PTPRN2: variants seen among roughly 807,000 people sequenced by gnomAD.
PTPRN2 encodes the protein protein tyrosine phosphatase receptor type N2, also known as receptor-type tyrosine-protein phosphatase N2.
PTPRN2 carries 74 observed loss-of-function variants against 118.8 expected under a neutral mutation model. The observed-to-expected ratio is 0.62, with a 90% CI of 0.52 to 0.76. The LOEUF (loss-of-function observed/expected upper bound fraction) is 0.76. Ranked by LOEUF, PTPRN2 falls within the 30% of genes least tolerant of loss-of-function variation. The probability of loss-of-function intolerance (pLI) is 0.00; values close to 1 mark genes in which losing one functional copy is unlikely to be tolerated. For missense variants in PTPRN2, 1,481 were observed against 1,394.4 expected, an observed-to-expected ratio of 1.06 and a Z score of -0.99; for synonymous variants, 641 against 608.0, an observed-to-expected ratio of 1.05 and a Z score of -0.80.
chr7:158,292,425 A>T (rs2151023980), intron 3 of PTPRN2, among the ~76,000 whole-genome samples: 1 of 152,336 alleles, frequency 6.6e-6, no homozygotes, highest in East Asian at 1.9e-4. Flanking sequence ...AAAGGTAAAA[A>T]CTGTGGGTTG....
In PTPRN2 at chr7:158,166,129, G is replaced by A. The variant is rs138731925; in HGVS notation, c.910+802C>T. On this transcript the variant is annotated intron_variant, in intron 6 of 22. Transcript: ENST00000389418. ...GGGCCAGACCCGTCCTGCAAGCCAT[G>A]TTGCCCGCCCCATCCATCAGCTTCA... is the stretch of plus-strand genomic sequence containing the variant. Among the ~76,000 whole-genome samples the A allele has an allele frequency of 6.0e-3, 905 of 151,466 alleles. 7 individuals are homozygous for A. Among genetic ancestry groups the A allele is most frequent in the African/African-American group, 0.021 (854 of 40,866 alleles).
intron 1 of PTPRN2, among the ~76,000 whole-genome samples, chr7:158,506,840 T>C (rs1822784597): frequency 6.6e-6 from 1 of 152,056 alleles, no homozygotes; most frequent in African/African-American, 2.4e-5. Context: ...AGGACACACC[T>C]GGGCCAGCCC....
At chr7:158,054,393 A>G (rs1809620833) in intron 11 of PTPRN2, among the ~76,000 whole-genome samples, 1 of 152,204 alleles carries the variant, frequency 6.6e-6, no homozygotes, top group African/African-American at 2.4e-5. Flanking sequence ...TTCTGCAGAC[A>G]CTCAAAAAGA....
intron 6 of PTPRN2, among the ~76,000 whole-genome samples, chr7:158,157,917 TCTC>T (rs1218217803): frequency 2.0e-5 from 3 of 152,114 alleles, no homozygotes; most frequent in African/African-American, 4.8e-5. Flanking sequence ...ATAGGTGCCT[TCTC>T]CTCCTGCTTT....
chr7:157,879,838 A>G, intron 12 of PTPRN2, among the ~76,000 whole-genome samples: 1 of 140,458 alleles, frequency 7.1e-6, no homozygotes, highest in South Asian at 2.2e-4. Context: ...GTCTTTGTTA[A>G]AAAAAAAAAA....
chr7:158,366,687 C>T (rs1809555662), intron 2 of PTPRN2, among the ~76,000 whole-genome samples: 1 of 152,032 alleles, frequency 6.6e-6, no homozygotes, highest in Non-Finnish European at 1.5e-5. Flanking sequence ...GCCACATTTG[C>T]TGGGACTTGT....
At chr7:158,396,444 CACGT>C (rs1471632559) in intron 2 of PTPRN2, among the ~76,000 whole-genome samples, 1 of 146,066 alleles carries the variant, frequency 6.8e-6, no homozygotes, top group Non-Finnish European at 1.5e-5. Flanking sequence ...ATGAATGTGT[CACGT>C]GTGTGCACGC....
intron 5 of PTPRN2, among the ~76,000 whole-genome samples, chr7:158,183,507 C>T (rs1043507566): frequency 6.6e-6 from 1 of 152,142 alleles, no homozygotes; most frequent in South Asian, 2.1e-4. Flanking sequence ...TCTCTCAACC[C>T]GTGGCCACTG....
chr7:158,330,988 A>G (rs1315821797), intron 2 of PTPRN2, among the ~76,000 whole-genome samples: 1 of 118,226 alleles, frequency 8.5e-6, no homozygotes, highest in African/African-American at 3.3e-5. Flanking sequence ...CACTCTCACC[A>G]TAAGAGCTGA....
intron 12 of PTPRN2, among the ~76,000 whole-genome samples, chr7:157,781,531 T>C (rs1219502401): frequency 6.6e-6 from 1 of 152,180 alleles, no homozygotes; most frequent in African/African-American, 2.4e-5. Flanking sequence ...TAAGAAAACT[T>C]CCACTTTTTC....
rs1262079421 is a variant in PTPRN2, at chr7:157,953,369, G to A, written c.1724-54632C>T. 1.3e-5 allele frequency among the ~76,000 whole-genome samples: 2 copies of A among 152,222 alleles called. No homozygotes were observed. Among genetic ancestry groups the A allele is most frequent in the East Asian group, 3.9e-4 (2 of 5,162 alleles). ...GCTGGCAGCACTCCCCGAGCACAGTGGGAACTCAGGAGCAGGGGCTGGCGG... is the reference window on the plus strand; with the variant it reads ...GCTGGCAGCACTCCCCGAGCACAGTAGGAACTCAGGAGCAGGGGCTGGCGG... On this transcript the variant is annotated intron_variant, in intron 11 of 22. Coordinates refer to ENST00000389418, the MANE Select transcript of PTPRN2 (RefSeq NM_002847.5). The surrounding 1 kb of genome is among the most constrained non-coding windows in gnomAD (Gnocchi z 4.6).
In PTPRN2 at chr7:157,724,803, G is replaced by A. The variant is rs186457784; in HGVS notation, c.1789-41866C>T. ...ACCACTGTAAAGTGAGAAATACTAA[G>A]TCCAACCATCCTGAGGCGGGGACCA... is the stretch of plus-strand genomic sequence containing the variant. On this transcript the variant is annotated intron_variant, in intron 12 of 22. Coordinates refer to ENST00000389418, the MANE Select transcript of PTPRN2 (RefSeq NM_002847.5). Among the ~76,000 whole-genome samples the A allele has an allele frequency of 2.2e-4, 33 of 152,318 alleles. No individual in the cohort carries two copies. The East Asian group carries it at 3.3e-3, about 15-fold the overall frequency.
intron 5 of PTPRN2, among the ~76,000 whole-genome samples, chr7:158,187,963 C>A (rs1825309923): frequency 6.6e-6 from 1 of 152,174 alleles, no homozygotes; most frequent in South Asian, 2.1e-4. Flanking sequence ...CCACGCCCCT[C>A]TCCCATTCCT....
intron 11 of PTPRN2, among the ~76,000 whole-genome samples, chr7:157,943,891 C>A (rs1800300073): frequency 6.6e-6 from 1 of 152,204 alleles, no homozygotes. Flanking sequence ...ACTACACCAT[C>A]CCCTTTTAGT....
At chr7:158,230,209 CT>C (rs576863500) in intron 3 of PTPRN2, among the ~76,000 whole-genome samples, 671 of 152,252 alleles carry the variant, frequency 4.4e-3, no homozygotes, top group Middle Eastern at 0.027. Flanking sequence ...CAAACAAAAG[CT>C]GAGATAATTC....
At chr7:157,980,962 C>T (rs368265153) in intron 11 of PTPRN2, among the ~76,000 whole-genome samples, 48 of 152,184 alleles carry the variant, frequency 3.2e-4, no homozygotes, top group Admixed American at 1.8e-3. Context: ...CACCAAACCC[C>T]GCCTCCCACA....
At chr7:158,105,149 T>C (rs1286402261) in intron 10 of PTPRN2, among the ~76,000 whole-genome samples, 2 of 127,796 alleles carry the variant, frequency 1.6e-5, no homozygotes, top group African/African-American at 3.1e-5. Flanking sequence ...ATCCTCAGCT[T>C]TATCTCAACT....
At chr7:158,554,293 C>T (rs982562102) in intron 1 of PTPRN2, among the ~76,000 whole-genome samples, 6 of 152,246 alleles carry the variant, frequency 3.9e-5, no homozygotes, top group African/African-American at 9.6e-5. Flanking sequence ...AAACAGAGAC[C>T]GAAACCAGAG....
chr7:158,215,391 T>C (rs776169433), intron 3 of PTPRN2, among the ~76,000 whole-genome samples: 2 of 152,074 alleles, frequency 1.3e-5, no homozygotes, highest in Non-Finnish European at 2.9e-5. Flanking sequence ...AGATATAATA[T>C]TCATGCTATC....
Sources: allele counts gnomAD v4.1 joint callset (sites outside exome capture counted in the v4.1 genomes callset), GRCh38; gene constraint gnomAD v4.1.1; non-coding constraint Gnocchi (gnomAD v3.1); transcripts MANE v1.5; gene names NCBI Gene and HGNC (gene_info 2026-07-23, HGNC 2026-07-21).